Variants in NSMAF observed in about 807,000 individuals in gnomAD.
The protein encoded by NSMAF is protein FAN.
Under a neutral mutation model 134.9 loss-of-function variants are expected in NSMAF, and 90 were observed. The observed-to-expected ratio is 0.67, with a 90% CI of 0.56 to 0.79. The LOEUF (loss-of-function observed/expected upper bound fraction) is 0.79. Among genes scored for constraint, NSMAF ranks in the 30% least tolerant of loss-of-function variants. The pLI is 0.00. For synonymous variants in NSMAF, 358 were observed against 389.6 expected, an observed-to-expected ratio of 0.92 and a Z score of 0.96; for missense variants, 1,010 against 1,119.0, an observed-to-expected ratio of 0.90 and a Z score of 1.39.
chr8:58,659,391 G>A, intron 1 of NSMAF, 182 bp downstream of exon 1: 1 of 1,518,378 alleles, frequency 6.6e-7, no homozygotes, highest in Non-Finnish European at 8.8e-7. Context: ...CAGGCCCCCG[G>A]CCTCTCACCC....
intron 9 of NSMAF, among the ~76,000 whole-genome samples, chr8:58,613,731 C>T (rs1194877633): frequency 6.6e-6 from 1 of 152,010 alleles, no homozygotes; most frequent in Non-Finnish European, 1.5e-5. Flanking sequence ...ATTATAATTG[C>T]CTATAGCATT....
chr8:58,647,705 T>C (rs988813925), intron 1 of NSMAF, among the ~76,000 whole-genome samples: 7 of 152,194 alleles, frequency 4.6e-5, no homozygotes, highest in Admixed American at 2.0e-4. Context: ...CTTTCTGCCA[T>C]AGTAAAAGCT....
chr8:58,622,025 C>A (rs545985056), intron 9 of NSMAF, among the ~76,000 whole-genome samples: 1 of 152,218 alleles, frequency 6.6e-6, no homozygotes, highest in Non-Finnish European at 1.5e-5. Flanking sequence ...TTTGTGACTT[C>A]GTCATGAAAT....
intron 1 of NSMAF, among the ~76,000 whole-genome samples, chr8:58,645,815 C>T (rs991203384): frequency 3.9e-5 from 6 of 152,102 alleles, no homozygotes; most frequent in South Asian, 2.1e-4. Flanking sequence ...CCAAGGCGGG[C>T]GGTTTGCCTG....
intron 19 of NSMAF, among the ~76,000 whole-genome samples, chr8:58,598,919 G>A (rs1368258558): frequency 6.6e-6 from 1 of 152,086 alleles, no homozygotes; most frequent in Non-Finnish European, 1.5e-5. Flanking sequence ...CCAGCTACTC[G>A]GGAGGCTGAG....
chr8:58,635,490 G>T lies in NSMAF; in HGVS notation c.206C>A (p.Ser69Ter). 6.2e-7 allele frequency: 1 copy of T among 1,606,078 alleles called. No individual in the cohort carries two copies. Among genetic ancestry groups the T allele is most frequent in the Non-Finnish European group, 8.5e-7 (1 of 1,177,088 alleles). Residue 69 changes from serine to a stop codon, truncating the protein, a stop_gained, in exon 3 of 31, where the codon TCA becomes TAA. Transcript: ENST00000038176. LOFTEE classifies it high-confidence loss of function. ...CSKSVIFEPD[S>*]ISQPIIKIPL... ...TACCTTGATGATGGGCTGGGATATT[G>T]AATCTGGTTCAAAAATCACCGATTT...
intron 5 of NSMAF, among the ~76,000 whole-genome samples, chr8:58,631,898 T>C (rs1807064928): frequency 6.6e-6 from 1 of 152,166 alleles, no homozygotes; most frequent in African/African-American, 2.4e-5. Context: ...TAAAACAAAG[T>C]TACTGTGGTA....
At chr8:58,599,409 T>C in intron 18 of NSMAF, 46 bp from the exon 19 acceptor site, 1 of 1,597,962 alleles carries the variant, frequency 6.3e-7, no homozygotes, top group Non-Finnish European at 8.5e-7. Flanking sequence ...CTTCATTTTT[T>C]TCCTCCCATT....
intron 9 of NSMAF, among the ~76,000 whole-genome samples, chr8:58,610,120 AT>A (rs1263117836): frequency 3.3e-5 from 5 of 152,294 alleles, no homozygotes; most frequent in African/African-American, 9.6e-5. Flanking sequence ...AGTGGCATTT[AT>A]TTCACACTAC....
chr8:58,641,377 T>A (rs898648229), intron 2 of NSMAF, among the ~76,000 whole-genome samples: 1 of 152,228 alleles, frequency 6.6e-6, no homozygotes, highest in African/African-American at 2.4e-5. Context: ...GAAGTCCTCA[T>A]TCCATCTCTA....
intron 9 of NSMAF, among the ~76,000 whole-genome samples, chr8:58,615,413 C>T (rs2129143200): frequency 6.6e-6 from 1 of 152,246 alleles, no homozygotes; most frequent in South Asian, 2.1e-4. Context: ...GAAATGTTCA[C>T]CAAGATAGGC....
chr8:58,592,914 C>A (rs200519124), intron 23 of NSMAF, among the ~76,000 whole-genome samples: 5,162 of 84,408 alleles, frequency 0.061, 207 homozygotes, highest in African/African-American at 0.2. Flanking sequence ...AAAACAACAA[C>A]AACAAAAAAA....
intron 1 of NSMAF, among the ~76,000 whole-genome samples, chr8:58,653,724 C>T (rs1430362429): frequency 2.6e-5 from 4 of 151,998 alleles, no homozygotes; most frequent in African/African-American, 9.7e-5. Context: ...TTCTAAATAT[C>T]TGATGGTTAA....
chr8:58,645,044 A>G (rs1201832086), intron 1 of NSMAF, among the ~76,000 whole-genome samples: 3 of 151,714 alleles, frequency 2.0e-5, no homozygotes, highest in Non-Finnish European at 4.4e-5. Flanking sequence ...GCAAACCACC[A>G]TGGCACGTGT....
intron 1 of NSMAF, among the ~76,000 whole-genome samples, chr8:58,658,993 G>GT (rs2129149506): frequency 6.6e-6 from 1 of 152,228 alleles, no homozygotes; most frequent in South Asian, 2.1e-4. Context: ...CTTTCCGGCG[G>GT]CCCCCCTCCC....
At chr8:58,603,178 A>C in intron 13 of NSMAF, 32 bp downstream of exon 13, 1 of 1,604,774 alleles carries the variant, frequency 6.2e-7, no homozygotes, top group Admixed American at 1.7e-5. Context: ...CTCCCCACTC[A>C]ACTTGGTCAG....
At chr8:58,639,471 G>A (rs116254184) in intron 2 of NSMAF, among the ~76,000 whole-genome samples, 44 of 152,286 alleles carry the variant, frequency 2.9e-4, no homozygotes, top group African/African-American at 9.1e-4. Flanking sequence ...TGGCAAGAGC[G>A]TGGAGAAAAG....
Position 58,599,855 on chromosome 8 carries a change from A to G in NSMAF, c.1348T>C (p.Tyr450His). 3 of 1,613,920 alleles carry G rather than the reference A, an allele frequency of 1.9e-6. No homozygotes were observed. Among genetic ancestry groups the G allele is most frequent in the Non-Finnish European group, 2.5e-6 (3 of 1,179,960 alleles). Reference sequence around the variant, plus strand: ...ACTAGAAAGCTCACATCATCACCATAGAATTCTGGAATTAACTGAAAGTTT... The same window carrying G: ...ACTAGAAAGCTCACATCATCACCATGGAATTCTGGAATTAACTGAAAGTTT... ...TDFKELIPEF[Y>H]GDDVSFLVNS... The change falls in exon 18 of 31, where the codon TAT becomes CAT. Residue 450 changes from tyrosine to histidine, a missense_variant. Tyr to His is a moderately conservative substitution (Grantham distance 83, BLOSUM62 2). Transcript: ENST00000038176.
intron 13 of NSMAF, among the ~76,000 whole-genome samples, chr8:58,602,669 A>T (rs1227596351): frequency 6.6e-6 from 1 of 152,200 alleles, no homozygotes; most frequent in Non-Finnish European, 1.5e-5. Context: ...ATTTTTAAAT[A>T]TTACAAAATA....
Sources: gnomAD v4.1 joint callset for allele counts (sites outside exome capture counted in the v4.1 genomes callset) on GRCh38, gnomAD v4.1.1 for gene constraint, MANE v1.5 for transcripts, NCBI Gene and HGNC (gene_info 2026-07-23, HGNC 2026-07-21) for gene names.